The following ATP7B variants were observed in gnomAD, a reference collection of about 807,000 sequenced individuals.
ATP7B encodes ATPase copper transporting beta.
In ATP7B, 113 loss-of-function variants were observed where a neutral mutation model predicts 118.9. The ratio of observed to expected loss-of-function variants is 0.95; its 90% CI spans 0.82 to 1.11. ATP7B has a LOEUF of 1.11. Ranked by LOEUF, ATP7B falls within the 50% of genes most tolerant of loss-of-function variation. The pLI, the probability that ATP7B is intolerant of heterozygous loss-of-function variation, is 0.00. For synonymous variants in ATP7B, 777 were observed against 727.4 expected, an observed-to-expected ratio of 1.07 and a Z score of -1.10; for missense variants, 1,867 against 1,871.4, an observed-to-expected ratio of 1.00 and a Z score of 0.04.
intron 13 of ATP7B, 117 bp downstream of exon 13, chr13:51,946,167 T>G (rs1957636813): frequency 7.3e-7 from 1 of 1,366,260 alleles, no homozygotes; most frequent in Non-Finnish European, 9.9e-7. Flanking sequence ...TGACTTCCTA[T>G]TCTATGTAAT....
chr13:51,957,811 T>C (rs766731824), intron 8 of ATP7B: 52 of 599,552 alleles, frequency 8.7e-5, no homozygotes, highest in Admixed American at 1.4e-4. Flanking sequence ...ACAGTGCCTG[T>C]GCCACTAAAG....
chr13:51,953,308 C>G (rs1958124699), intron 9 of ATP7B, among the ~76,000 whole-genome samples: 1 of 152,126 alleles, frequency 6.6e-6, no homozygotes, highest in Admixed American at 6.5e-5. Flanking sequence ...AGGAGGAGCT[C>G]CCTGCATTCA....
chr13:51,949,926 A>G, intron 11 of ATP7B, 81 bp downstream of exon 11: 1 of 1,611,836 alleles, frequency 6.2e-7, no homozygotes, highest in Non-Finnish European at 8.5e-7. Context: ...CTACTCAATA[A>G]AACTGTCTGA....
chr13:51,949,965 AAAC>A (rs751433161), intron 11 of ATP7B, 39 bp downstream of exon 11: 1 of 1,614,060 alleles, frequency 6.2e-7, no homozygotes, highest in East Asian at 2.2e-5. Flanking sequence ...ATAATTTCTA[AAAC>A]GAGAAAGATG....
intron 1 of ATP7B, chr13:51,995,378 G>T (rs1465507015): frequency 1.0e-6 from 1 of 981,272 alleles, no homozygotes; most frequent in Non-Finnish European, 1.2e-6. Context: ...TTCCTCTGAC[G>T]GTGGAGTGCC....
intron 1 of ATP7B, among the ~76,000 whole-genome samples, chr13:51,986,157 T>C (rs1289493299): frequency 2.6e-5 from 4 of 151,840 alleles, no homozygotes; most frequent in Non-Finnish European, 5.9e-5. Flanking sequence ...ACAAAATAGA[T>C]AGACCGCTAG....
chr13:51,974,366 A>C lies in ATP7B; in HGVS notation c.854T>G (p.Val285Gly), dbSNP rs1411865806. ...IEENIGQLLGVQSIQVSLENK... is the reference protein window; with the variant it reads ...IEENIGQLLGGQSIQVSLENK... ...CTCCAAGGACACTTGAATACTTTGA[A>C]CCCCTAGGAGCTGGCCAATATTTTC... The change falls in exon 2 of 21, where the codon GTT (valine) becomes GGT (glycine). Residue 285 changes from valine (V) to glycine (G), a missense_variant. Physicochemically the swap from Val to Gly is moderately radical, Grantham distance 109. Coordinates refer to ENST00000242839, the MANE Select transcript of ATP7B (RefSeq NM_000053.4). 2.5e-6 allele frequency: 4 copies of C among 1,613,486 alleles called. No individual in the cohort carries two copies. The highest frequency in any genetic ancestry group is 3.4e-6 in the Non-Finnish European group (4 of 1,179,910).
chr13:51,960,525 A>G (rs1027169006), intron 6 of ATP7B, among the ~76,000 whole-genome samples: 1 of 152,158 alleles, frequency 6.6e-6, no homozygotes, highest in African/African-American at 2.4e-5. Flanking sequence ...AAACATCACT[A>G]TAAGGAGGTT....
At chr13:51,989,652 A>G (rs1417090395) in intron 1 of ATP7B, among the ~76,000 whole-genome samples, 1 of 152,252 alleles carries the variant, frequency 6.6e-6, no homozygotes, top group African/African-American at 2.4e-5. Context: ...AAACTATAAG[A>G]CAGGGTATCG....
At chr13:51,970,393 T>C (rs905590240) in intron 3 of ATP7B, 99 bp downstream of exon 3, 6 of 1,545,600 alleles carry the variant, frequency 3.9e-6, no homozygotes, top group Admixed American at 1.7e-5. Flanking sequence ...TACCTGGTTA[T>C]CAGGGCTACT....
At chr13:52,008,607 T>C (rs535086454) in intron 1 of ATP7B, among the ~76,000 whole-genome samples, 2 of 152,312 alleles carry the variant, frequency 1.3e-5, no homozygotes, top group Admixed American at 6.5e-5. Context: ...CTTATCACCA[T>C]CTCTCAGGAA....
chr13:51,964,856 T>C lies in ATP7B; in HGVS notation c.1869+16A>G, dbSNP rs767199740. 8.7e-6 allele frequency: 14 copies of C among 1,612,470 alleles called. No homozygotes were observed. The East Asian group carries it at 2.9e-4, about 33-fold the overall frequency. On this transcript the variant is annotated intron_variant, in intron 5 of 20. Coordinates refer to ENST00000242839, the MANE Select transcript of ATP7B (RefSeq NM_000053.4). ...TTTTTAAAAAGGTGACTACAATTTTTTAATGAATTACTTACCTCAATAATT... is the reference window on the plus strand; with the variant it reads ...TTTTTAAAAAGGTGACTACAATTTTCTAATGAATTACTTACCTCAATAATT...
chr13:51,999,089 G>A (rs1052011491), intron 1 of ATP7B, among the ~76,000 whole-genome samples: 2 of 152,184 alleles, frequency 1.3e-5, no homozygotes, highest in Admixed American at 6.5e-5. Context: ...CCAGCCTTCA[G>A]AACAGAGGGG....
rs1593752588 is a variant in ATP7B at position 51,965,007 on chromosome 13, A to G, written c.1734T>C (p.Cys578=). Residue 578 remains cysteine (C), a synonymous_variant, in exon 5 of 21, where the codon TGT becomes TGC. Coordinates refer to ENST00000242839, the MANE Select transcript of ATP7B (RefSeq NM_000053.4). The part of the protein sequence containing the change: ...LTITGMTCAS[C]VHNIESKLTR... The stretch of plus-strand genomic sequence containing the variant: ...TGAGTTTGGACTCTATGTTGTGGAC[A>G]CAGGACGCGCAGGTCATCCCTGTGA... 6.2e-7 allele frequency: 1 copy of G among 1,614,166 alleles called. No homozygotes were observed. The highest frequency in any genetic ancestry group is 8.5e-7 in the Non-Finnish European group (1 of 1,180,046).
intron 14 of ATP7B, 79 bp downstream of exon 14, chr13:51,944,030 G>A (rs1957500509): frequency 6.3e-7 from 1 of 1,581,486 alleles, no homozygotes; most frequent in Non-Finnish European, 8.6e-7. Flanking sequence ...GCTCCTCGAG[G>A]GCAGCTAGGA....
chr13:51,944,042 A>G, intron 14 of ATP7B, 67 bp downstream of exon 14: 2 of 1,599,844 alleles, frequency 1.3e-6, no homozygotes, highest in Admixed American at 1.7e-5. Flanking sequence ...CAGCTAGGAG[A>G]GAAGGACATG....
At chr13:51,984,997 A>C (rs942390776) in intron 1 of ATP7B, among the ~76,000 whole-genome samples, 5 of 152,246 alleles carry the variant, frequency 3.3e-5, no homozygotes, top group Non-Finnish European at 7.3e-5. Context: ...CACTATGAAG[A>C]AACTGCATCA....
chr13:51,949,122 G>A (rs941644526), intron 12 of ATP7B, among the ~76,000 whole-genome samples: 1 of 152,196 alleles, frequency 6.6e-6, no homozygotes, highest in Non-Finnish European at 1.5e-5. Flanking sequence ...GGAGGTTGCA[G>A]TGAACCGAGA....
intron 6 of ATP7B, among the ~76,000 whole-genome samples, chr13:51,961,535 T>C (rs2139657094): frequency 6.6e-6 from 1 of 152,362 alleles, no homozygotes; most frequent in South Asian, 2.1e-4. Context: ...TAAAGGTAGC[T>C]AAATTGAAAT....
Sources: allele counts gnomAD v4.1 joint callset (sites outside exome capture counted in the v4.1 genomes callset), GRCh38; gene constraint gnomAD v4.1.1; transcripts MANE v1.5; gene names NCBI Gene and HGNC (gene_info 2026-07-23, HGNC 2026-07-21).